CCDC85A: variants seen among roughly 807,000 people sequenced by gnomAD.
CCDC85A encodes coiled-coil domain containing 85A, also known as coiled-coil domain-containing protein 85A.
A neutral mutation model predicts 50.2 loss-of-function variants in CCDC85A; 38 were observed. The observed-to-expected ratio is 0.76, with a 90% CI of 0.58 to 0.99. The LOEUF (loss-of-function observed/expected upper bound fraction) is 0.99, where lower values mean the gene tolerates loss of function less well. Among genes scored for constraint, CCDC85A ranks in the 50% least tolerant of loss-of-function variants. CCDC85A has a pLI of 0.00. For synonymous variants in CCDC85A, 366 were observed against 301.4 expected, an observed-to-expected ratio of 1.21 and a Z score of -2.22; for missense variants, 820 against 742.0, an observed-to-expected ratio of 1.11 and a Z score of -1.22.
intron 3 of CCDC85A, among the ~76,000 whole-genome samples, chr2:56,360,162 TA>T (rs1274668683): frequency 1.3e-5 from 2 of 152,348 alleles, no homozygotes; most frequent in Non-Finnish European, 2.9e-5. Context: ...AAACTTTTTT[TA>T]AAAAAGATTA....
intron 2 of CCDC85A, among the ~76,000 whole-genome samples, chr2:56,242,587 A>G (rs1298780930): frequency 6.6e-6 from 1 of 152,140 alleles, no homozygotes; most frequent in Non-Finnish European, 1.5e-5. Flanking sequence ...CCATGAGCCA[A>G]ACACCTCCCA....
At chr2:56,268,979 C>T (rs992361022) in intron 2 of CCDC85A, among the ~76,000 whole-genome samples, 4 of 152,134 alleles carry the variant, frequency 2.6e-5, no homozygotes, top group African/African-American at 9.7e-5. Flanking sequence ...AAGTTTCTTT[C>T]ACTGTAAGTA....
At chr2:56,338,882 A>G (rs539873351) in intron 2 of CCDC85A, among the ~76,000 whole-genome samples, 2 of 152,264 alleles carry the variant, frequency 1.3e-5, no homozygotes, top group South Asian at 4.1e-4. Flanking sequence ...AGGATGGTGT[A>G]ATCAGTTTCT....
At chr2:56,276,617 T>A (rs1234455963) in intron 2 of CCDC85A, among the ~76,000 whole-genome samples, 1 of 152,178 alleles carries the variant, frequency 6.6e-6, no homozygotes, top group African/African-American at 2.4e-5. Context: ...CCTTCCACCA[T>A]GATTGTGAGG....
chr2:56,287,386 A>G (rs1671494705), intron 2 of CCDC85A, among the ~76,000 whole-genome samples: 1 of 152,174 alleles, frequency 6.6e-6, no homozygotes, highest in Non-Finnish European at 1.5e-5. Flanking sequence ...CAGTCTGGAA[A>G]GTGTCCTCAG....
chr2:56,233,089 C>A (rs1320532846), intron 2 of CCDC85A, among the ~76,000 whole-genome samples: 2 of 152,160 alleles, frequency 1.3e-5, no homozygotes, highest in African/African-American at 4.8e-5. Flanking sequence ...CCTCTTTGTT[C>A]ACCTCTGCAG....
intron 5 of CCDC85A, 95 bp downstream of exon 5, chr2:56,376,030 T>G: frequency 1.5e-6 from 2 of 1,323,208 alleles, no homozygotes; most frequent in Admixed American, 6.6e-5. Context: ...GCTTGAACCA[T>G]AGATATTTTA....
At chr2:56,289,017 A>G (rs1370021553) in intron 2 of CCDC85A, among the ~76,000 whole-genome samples, 1 of 152,186 alleles carries the variant, frequency 6.6e-6, no homozygotes, top group Non-Finnish European at 1.5e-5. Context: ...GAGGTGGCCT[A>G]AGTAGCACTA....
At chr2:56,347,351 C>T (rs1674679404) in intron 3 of CCDC85A, among the ~76,000 whole-genome samples, 1 of 152,108 alleles carries the variant, frequency 6.6e-6, no homozygotes, top group Admixed American at 6.5e-5. Context: ...TCCCTTAATC[C>T]GTTCATACCA....
intron 2 of CCDC85A, among the ~76,000 whole-genome samples, chr2:56,252,330 G>A (rs772977753): frequency 1.1e-4 from 17 of 152,296 alleles, no homozygotes; most frequent in East Asian, 5.8e-4. Context: ...ATAGGCGTGA[G>A]CCACTGCGCC....
chr2:56,185,971 A>G (rs924704535), intron 1 of CCDC85A, among the ~76,000 whole-genome samples: 11 of 152,108 alleles, frequency 7.2e-5, no homozygotes, highest in African/African-American at 2.6e-4. Context: ...TTCCACTCCT[A>G]TCCCCACATA....
At chr2:56,246,435 C>A (rs540922516) in intron 2 of CCDC85A, among the ~76,000 whole-genome samples, 122 of 151,568 alleles carry the variant, frequency 8.0e-4, no homozygotes, top group Admixed American at 1.6e-3. Context: ...AAAAAAAAAA[C>A]CCCACATAAT....
intron 2 of CCDC85A, among the ~76,000 whole-genome samples, chr2:56,299,375 T>G (rs902376887): frequency 6.6e-6 from 1 of 152,196 alleles, no homozygotes; most frequent in Non-Finnish European, 1.5e-5. Context: ...CCCCTGCTGA[T>G]TTCTTCCTTG....
chr2:56,338,350 C>T (rs1441798172), intron 2 of CCDC85A, among the ~76,000 whole-genome samples: 1 of 152,264 alleles, frequency 6.6e-6, no homozygotes, highest in East Asian at 1.9e-4. Context: ...CCATCATGTT[C>T]CCTGAGTGTA....
At chr2:56,355,489 ATTTC>A (rs1233775921) in intron 3 of CCDC85A, among the ~76,000 whole-genome samples, 2 of 152,162 alleles carry the variant, frequency 1.3e-5, no homozygotes, top group Non-Finnish European at 2.9e-5. Context: ...GATATTTGTG[ATTTC>A]AGAAATGCTT....
intron 2 of CCDC85A, among the ~76,000 whole-genome samples, chr2:56,221,369 T>A (rs1668320367): frequency 7.5e-6 from 1 of 133,188 alleles, no homozygotes; most frequent in African/African-American, 2.8e-5. Context: ...ATACTTTCTA[T>A]TTTTTTTTTT....
At chr2:56,240,336 T>A (rs1271180220) in intron 2 of CCDC85A, among the ~76,000 whole-genome samples, 1 of 152,180 alleles carries the variant, frequency 6.6e-6, no homozygotes, top group African/African-American at 2.4e-5. Flanking sequence ...ACCGAGTAAC[T>A]AATGGGAAAC....
chr2:56,316,657 C>G (rs1242533983), intron 2 of CCDC85A, among the ~76,000 whole-genome samples: 1 of 151,954 alleles, frequency 6.6e-6, no homozygotes. Context: ...AAGGATAAAG[C>G]AAAAAGTGTT....
At chr2:56,277,546 C>G (rs552162348) in intron 2 of CCDC85A, among the ~76,000 whole-genome samples, 76 of 152,308 alleles carry the variant, frequency 5.0e-4, no homozygotes, top group African/African-American at 1.8e-3. Context: ...AGTTATAGGT[C>G]AGTACCCTAA....
Sources: allele counts gnomAD v4.1 joint callset (sites outside exome capture counted in the v4.1 genomes callset), GRCh38; gene constraint gnomAD v4.1.1; transcripts MANE v1.5; gene names NCBI Gene and HGNC (gene_info 2026-07-23, HGNC 2026-07-21).